Variants in FLT1 observed in about 807,000 individuals in gnomAD.
FLT1 encodes vascular endothelial growth factor receptor 1.
In FLT1, 49 loss-of-function variants were observed where a neutral mutation model predicts 156.3. The observed-to-expected ratio is 0.31, with a 90% CI of 0.25 to 0.40. The LOEUF is 0.40. Ranked by LOEUF, FLT1 falls within the 10% of genes least tolerant of loss-of-function variation. FLT1 has a pLI of 1.00. For missense variants in FLT1, 1,322 were observed against 1,637.2 expected (o/e 0.81, Z 3.32); for synonymous variants, 594 against 583.8 (o/e 1.02, Z -0.25).
At position 28,494,928 on chromosome 13, in the gene FLT1, CCGCCGCCGGCCCCG is replaced by C; in HGVS notation, c.-99_-86del. On this transcript the variant is annotated 5_prime_UTR_variant, in exon 1 of 30. Transcript: ENST00000282397. Reference sequence around the variant, plus strand: ...CCGCCAGAGTCCGTCCTCTCGTTCGCCGCCGCCGGCCCCGCGCCCTGAGCGCCCGTCTCGCGGCT... The same window carrying C: ...CCGCCAGAGTCCGTCCTCTCGTTCGCCGCCCTGAGCGCCCGTCTCGCGGCT... 9.2e-7 allele frequency: 1 copy of C among 1,089,318 alleles called. No individual in the cohort carries two copies. Among genetic ancestry groups the C allele is most frequent in the Middle Eastern group, 2.5e-4 (1 of 3,960 alleles). The allele number at this position is 1,089,318 out of a possible 1,614,324, so 67.5% of individuals were successfully genotyped here. A position where few individuals can be genotyped will look rare whatever the true frequency, so the allele number is the denominator to read the frequency against.
intron 6 of FLT1, among the ~76,000 whole-genome samples, chr13:28,431,650 T>C (rs955242027): frequency 1.3e-5 from 2 of 152,208 alleles, no homozygotes; most frequent in Non-Finnish European, 2.9e-5. Flanking sequence ...CTGGCCCAAG[T>C]TGGCTAGGAA....
chr13:28,324,276 C>T (rs1031600177), intron 20 of FLT1, among the ~76,000 whole-genome samples: 1 of 152,168 alleles, frequency 6.6e-6, no homozygotes, highest in Non-Finnish European at 1.5e-5. Flanking sequence ...GACTGGAGTT[C>T]AGTGGTGTCC....
At chr13:28,320,193 G>A (rs534823166) in intron 23 of FLT1, among the ~76,000 whole-genome samples, 3 of 152,280 alleles carry the variant, frequency 2.0e-5, no homozygotes, top group East Asian at 3.9e-4. Flanking sequence ...AAAGGAAGTG[G>A]GAGGGGCAGG....
chr13:28,433,478 C>T (rs1419502876), intron 6 of FLT1, among the ~76,000 whole-genome samples: 5 of 152,206 alleles, frequency 3.3e-5, no homozygotes, highest in African/African-American at 1.2e-4. Flanking sequence ...GCAGTCCCTG[C>T]CTGGCATTTG....
chr13:28,451,397 C>T (rs113651474), intron 3 of FLT1, among the ~76,000 whole-genome samples: 28 of 152,292 alleles, frequency 1.8e-4, no homozygotes, highest in African/African-American at 6.0e-4. Context: ...CCCTCCAGCC[C>T]GGGTGACAGA....
chr13:28,323,988 T>G (rs1871580119), intron 20 of FLT1, among the ~76,000 whole-genome samples: 1 of 152,222 alleles, frequency 6.6e-6, no homozygotes, highest in African/African-American at 2.4e-5. Context: ...CATTTGGCTC[T>G]TCCATTAATC....
intron 14 of FLT1, among the ~76,000 whole-genome samples, chr13:28,362,175 A>G (rs1488738594): frequency 6.6e-6 from 1 of 152,242 alleles, no homozygotes; most frequent in Non-Finnish European, 1.5e-5. Flanking sequence ...GGTGATTCCA[A>G]TATTTTAAAC....
intron 3 of FLT1, among the ~76,000 whole-genome samples, chr13:28,440,778 C>T (rs1878293266): frequency 6.6e-6 from 1 of 152,156 alleles, no homozygotes; most frequent in Non-Finnish European, 1.5e-5. Context: ...ATGAGGATTA[C>T]ATGAATTAAT....
At chr13:28,347,368 CA>C (rs34826467) in intron 15 of FLT1, among the ~76,000 whole-genome samples, 10 of 148,760 alleles carry the variant, frequency 6.7e-5, no homozygotes, top group South Asian at 2.1e-4. Context: ...ACTAAAAATA[CA>C]AAAAAAAAAT....
At chr13:28,318,534 A>G (rs1367525309) in intron 24 of FLT1, among the ~76,000 whole-genome samples, 1 of 152,130 alleles carries the variant, frequency 6.6e-6, no homozygotes, top group Admixed American at 6.5e-5. Context: ...TCTAGTGATT[A>G]CTGCTGGTAG....
intron 11 of FLT1, among the ~76,000 whole-genome samples, chr13:28,398,871 TTC>T (rs1161716938): frequency 1.3e-5 from 2 of 152,208 alleles, no homozygotes; most frequent in African/African-American, 2.4e-5. Flanking sequence ...ACAAAAATTA[TTC>T]TCTCTTTTGC....
chr13:28,405,120 C>G (rs577146183), intron 11 of FLT1, among the ~76,000 whole-genome samples: 3 of 152,084 alleles, frequency 2.0e-5, no homozygotes, highest in African/African-American at 7.2e-5. Context: ...GAAAAAGCCA[C>G]TAGGTCTGAG....
chr13:28,428,830 T>C (rs550136623), intron 8 of FLT1, among the ~76,000 whole-genome samples: 1 of 152,324 alleles, frequency 6.6e-6, no homozygotes, highest in African/African-American at 2.4e-5. Context: ...GATTATAAAG[T>C]CCTACAAACA....
intron 14 of FLT1, among the ~76,000 whole-genome samples, chr13:28,384,544 C>T (rs1280533630): frequency 1.3e-5 from 2 of 151,984 alleles, no homozygotes; most frequent in African/African-American, 4.8e-5. Context: ...TCTACAATAC[C>T]TCAAAGCCAA....
intron 14 of FLT1, among the ~76,000 whole-genome samples, chr13:28,375,854 G>A (rs1465230982): frequency 2.0e-5 from 3 of 152,236 alleles, no homozygotes; most frequent in African/African-American, 7.2e-5. Flanking sequence ...TGCAATAATA[G>A]TTCTTCATTC....
At chr13:28,336,133 C>T (rs1427477073) in intron 17 of FLT1, among the ~76,000 whole-genome samples, 1 of 152,200 alleles carries the variant, frequency 6.6e-6, no homozygotes, top group African/African-American at 2.4e-5. Flanking sequence ...TTGCACTTTC[C>T]ATAGTTTCAG....
chr13:28,365,632 G>A lies in FLT1; in HGVS notation c.2117-7947C>T, dbSNP rs571969613. On this transcript the variant is annotated intron_variant, in intron 14 of 29. Coordinates refer to ENST00000282397, the MANE Select transcript of FLT1 (RefSeq NM_002019.4). ...CTCCCAAAATGCTGGGATTACAGGCGTGAGCCACCGTGCTCAGCCAGAACT... is the reference window on the plus strand; with the variant it reads ...CTCCCAAAATGCTGGGATTACAGGCATGAGCCACCGTGCTCAGCCAGAACT... Among the ~76,000 whole-genome samples, 4 of 152,260 alleles carry A rather than the reference G, an allele frequency of 2.6e-5. No homozygotes were observed. The South Asian group carries it at 8.3e-4, about 32-fold the overall frequency.
intron 14 of FLT1, among the ~76,000 whole-genome samples, chr13:28,372,710 C>T (rs181834520): frequency 4.3e-4 from 65 of 150,170 alleles, no homozygotes; most frequent in African/African-American, 1.1e-3. Context: ...GGTGAAACCC[C>T]GTCTCTACTA....
intron 1 of FLT1, among the ~76,000 whole-genome samples, chr13:28,470,147 T>C (rs1880077803): frequency 6.6e-6 from 1 of 152,226 alleles, no homozygotes; most frequent in South Asian, 2.1e-4. Flanking sequence ...AATCCCTGTT[T>C]CATATGGATC....
Sources: gnomAD v4.1 joint callset for allele counts (sites outside exome capture counted in the v4.1 genomes callset) on GRCh38, gnomAD v4.1.1 for gene constraint, MANE v1.5 for transcripts, NCBI Gene and HGNC (gene_info 2026-07-23, HGNC 2026-07-21) for gene names.